Variants in KCNC2 observed in about 807,000 individuals in gnomAD.
The protein encoded by KCNC2 is voltage-gated potassium channel KCNC2.
KCNC2 carries 21 observed loss-of-function variants against 44.5 expected under a neutral mutation model. The observed-to-expected ratio is 0.47, with a 90% CI of 0.33 to 0.68. KCNC2 has a LOEUF of 0.68. Among genes scored for constraint, KCNC2 ranks in the 30% least tolerant of loss-of-function variants. The pLI is 0.01. For synonymous variants in KCNC2, 391 were observed against 339.1 expected (o/e 1.15, Z -1.68); for missense variants, 589 against 826.2 (o/e 0.71, Z 3.52).
At chr12:75,076,645 G>A (rs892354579) in intron 2 of KCNC2, among the ~76,000 whole-genome samples, 1 of 152,020 alleles carries the variant, frequency 6.6e-6, no homozygotes. Flanking sequence ...TTATTATTAG[G>A]TATTGTCAAT....
intron 2 of KCNC2, among the ~76,000 whole-genome samples, chr12:75,180,661 TA>T (rs1357822309): frequency 6.6e-6 from 1 of 151,850 alleles, no homozygotes; most frequent in Non-Finnish European, 1.5e-5. Flanking sequence ...CATTTAGTAA[TA>T]TAGCATACTA....
chr12:75,148,057 A>G (rs2168901), intron 2 of KCNC2, among the ~76,000 whole-genome samples: 23,032 of 152,086 alleles, frequency 0.15, 2,084 homozygotes, highest in Middle Eastern at 0.27. Flanking sequence ...TATAGCATCC[A>G]AATTGTAAAT....
At chr12:75,065,936 A>G (rs1263360796) in intron 2 of KCNC2, among the ~76,000 whole-genome samples, 1 of 152,150 alleles carries the variant, frequency 6.6e-6, no homozygotes, top group African/African-American at 2.4e-5. Flanking sequence ...GTAAAATTAC[A>G]TTCATATTTT....
intron 2 of KCNC2, among the ~76,000 whole-genome samples, chr12:75,145,358 T>C (rs1262635006): frequency 2.6e-5 from 4 of 152,176 alleles, no homozygotes; most frequent in Admixed American, 6.5e-5. Flanking sequence ...TCTAACACTC[T>C]ATGAATAAAT....
intron 2 of KCNC2, among the ~76,000 whole-genome samples, chr12:75,134,018 A>G (rs1889047592): frequency 6.6e-6 from 1 of 151,984 alleles, no homozygotes; most frequent in Non-Finnish European, 1.5e-5. Context: ...GATTAATTCT[A>G]CATTTCTCAA....
At chr12:75,140,628 A>G (rs1889579820) in intron 2 of KCNC2, among the ~76,000 whole-genome samples, 1 of 152,150 alleles carries the variant, frequency 6.6e-6, no homozygotes, top group East Asian at 1.9e-4. Context: ...CATTTGGGAT[A>G]CATGTCTACT....
intron 2 of KCNC2, among the ~76,000 whole-genome samples, chr12:75,192,632 T>C (rs1020890044): frequency 2.0e-5 from 3 of 152,226 alleles, no homozygotes; most frequent in Admixed American, 6.5e-5. Context: ...TCACACATTA[T>C]GGCTAGGCTT....
At chr12:75,110,909 C>A (rs768307066) in intron 2 of KCNC2, among the ~76,000 whole-genome samples, 1 of 152,046 alleles carries the variant, frequency 6.6e-6, no homozygotes, top group Non-Finnish European at 1.5e-5. Flanking sequence ...CACTAAAATT[C>A]TCTTGTTTTC....
intron 2 of KCNC2, among the ~76,000 whole-genome samples, chr12:75,110,724 G>A (rs956093524): frequency 1.3e-5 from 2 of 151,934 alleles, no homozygotes; most frequent in Admixed American, 1.3e-4. Flanking sequence ...TCAATGTAAT[G>A]TATTTAATTA....
At chr12:75,106,296 G>T (rs1373103316) in intron 2 of KCNC2, among the ~76,000 whole-genome samples, 1 of 152,196 alleles carries the variant, frequency 6.6e-6, no homozygotes, top group Non-Finnish European at 1.5e-5. Context: ...GGAGGACAGG[G>T]AATGTGGAGA....
At chr12:75,190,219 C>T (rs2030060497) in intron 2 of KCNC2, among the ~76,000 whole-genome samples, 1 of 152,074 alleles carries the variant, frequency 6.6e-6, no homozygotes, top group African/African-American at 2.4e-5. Context: ...CCATAACTAC[C>T]TCTCTAGGCC....
At position 75,163,029 on chromosome 12, in the gene KCNC2, C is replaced by A. The variant is rs7968319; in HGVS notation, c.687+44268G>T. Among the ~76,000 whole-genome samples the A allele has an allele frequency of 8.1e-3, 1,223 of 151,812 alleles. 16 individuals are homozygous for A. Among genetic ancestry groups the A allele is most frequent in the African/African-American group, 0.028 (1,146 of 41,492 alleles). Reference sequence around the variant, plus strand: ...CTGCAGATCCAGATCTGTCTCTCCTCGTGCAGACAAGCCTGACCATGTGAG... The same window carrying A: ...CTGCAGATCCAGATCTGTCTCTCCTAGTGCAGACAAGCCTGACCATGTGAG... On this transcript the variant is annotated intron_variant, in intron 2 of 4. Coordinates refer to ENST00000549446, the MANE Select transcript of KCNC2 (RefSeq NM_139137.4).
intron 2 of KCNC2, among the ~76,000 whole-genome samples, chr12:75,113,893 C>A (rs1443206618): frequency 6.6e-6 from 1 of 151,956 alleles, no homozygotes. Flanking sequence ...TCAATCTCTC[C>A]AGGGAAAAAA....
chr12:75,047,077 T>C (rs1880608711), intron 4 of KCNC2, among the ~76,000 whole-genome samples: 1 of 151,614 alleles, frequency 6.6e-6, no homozygotes, highest in Admixed American at 6.6e-5. Context: ...ATATGAAAGT[T>C]TTAAAGTGGA....
intron 2 of KCNC2, among the ~76,000 whole-genome samples, chr12:75,156,775 T>C (rs1456546644): frequency 6.6e-6 from 1 of 151,872 alleles, no homozygotes; most frequent in Non-Finnish European, 1.5e-5. Flanking sequence ...CAGCCTACCA[T>C]TTCTATAATA....
chr12:75,067,131 G>A (rs1183381335), intron 2 of KCNC2, among the ~76,000 whole-genome samples: 1 of 152,162 alleles, frequency 6.6e-6, no homozygotes, highest in Non-Finnish European at 1.5e-5. Context: ...GAGCCTGGGA[G>A]TTTGAGGCTA....
intron 2 of KCNC2, among the ~76,000 whole-genome samples, chr12:75,188,572 A>G (rs2029893186): frequency 6.6e-6 from 1 of 151,692 alleles, no homozygotes; most frequent in South Asian, 2.1e-4. Context: ...ATAAAAAAAT[A>G]ACAAGGTGGC....
At chr12:75,089,785 TTAAAG>T (rs1401826519) in intron 2 of KCNC2, among the ~76,000 whole-genome samples, 1 of 151,792 alleles carries the variant, frequency 6.6e-6, no homozygotes, top group African/African-American at 2.4e-5. Context: ...CTATTTAACT[TTAAAG>T]TAATTAAAAT....
chr12:75,147,439 C>T (rs1329839549), intron 2 of KCNC2, among the ~76,000 whole-genome samples: 5 of 152,136 alleles, frequency 3.3e-5, no homozygotes, highest in Non-Finnish European at 7.4e-5. Flanking sequence ...ACTAGACCAA[C>T]TTACGACCTA....
Sources: gnomAD v4.1 joint callset for allele counts (sites outside exome capture counted in the v4.1 genomes callset) on GRCh38, gnomAD v4.1.1 for gene constraint, MANE v1.5 for transcripts, NCBI Gene and HGNC (gene_info 2026-07-23, HGNC 2026-07-21) for gene names.